Variants in NCR1 observed in about 807,000 individuals in gnomAD.
NCR1 encodes the protein natural cytotoxicity triggering receptor 1.
A neutral mutation model predicts 32.5 loss-of-function variants in NCR1; 30 were observed. That is an observed-to-expected ratio of 0.92 (90% CI 0.69 to 1.25). The LOEUF (loss-of-function observed/expected upper bound fraction) is 1.25, where lower values mean the gene tolerates loss of function less well. Among genes scored for constraint, NCR1 ranks in the 50% most tolerant of loss-of-function variants. The pLI is 0.00. For missense variants in NCR1, 369 were observed against 380.7 expected (o/e 0.97, Z 0.26); for synonymous variants, 169 against 143.4 (o/e 1.18, Z -1.28).
the NCR1 span, chr19:54,924,015 T>C: frequency 4.7e-6 from 4 of 843,768 alleles, no homozygotes; most frequent in Non-Finnish European, 7.6e-6. Flanking sequence ...TTGCCCAGGC[T>C]GGGGTACAGT....
At position 54,910,197 on chromosome 19, in the gene NCR1, G is replaced by A. The variant is rs143235301; in HGVS notation, c.682+132G>A. The A allele has an allele frequency of 4.6e-4, 397 of 862,522 alleles. 1 individual carries two copies. In the African/African-American group the frequency reaches 6.1e-3, roughly 13 times the overall value. 53.4% of individuals were successfully genotyped at this position (862,522 alleles called of 1,614,324 possible). ...CACGCCTGTAATCCCAGCACTTTGG[G>A]AGGCCGAGATGGTGCATCATTTGAG... On this transcript the variant is annotated intron_variant, in intron 5 of 6. Transcript: ENST00000291890.
the NCR1 span, among the ~76,000 whole-genome samples, chr19:54,922,778 CAAAAAAAAAAACAAA>C: frequency 2.5e-5 from 1 of 39,444 alleles, no homozygotes; most frequent in Admixed American, 3.5e-4. Flanking sequence ...AACTCCGTCT[CAAAAAAAAAAACAAA>C]AAAAAAAAAC....
Position 54,906,565 on chromosome 19 carries a change from T to C in NCR1, c.113T>C (p.Met38Thr), listed in dbSNP as rs760909649. ...TTCATCTGGGCCGAGCCCCATTTCATGGTTCCAAAGGAAAAGCAAGTGACC... is the reference window on the plus strand; with the variant it reads ...TTCATCTGGGCCGAGCCCCATTTCACGGTTCCAAAGGAAAAGCAAGTGACC... ...KPFIWAEPHF[M>T]VPKEKQVTIC... Residue 38 changes from methionine (M) to threonine (T), a missense_variant, in exon 3 of 7, where the codon ATG becomes ACG. Coordinates refer to ENST00000291890, the MANE Select transcript of NCR1 (RefSeq NM_004829.7). 21 of 1,612,860 alleles carry C rather than the reference T, an allele frequency of 1.3e-5. No homozygotes were observed. Among genetic ancestry groups the C allele is most frequent in the Non-Finnish European group, 1.7e-5 (20 of 1,180,028 alleles).
chr19:54,911,061 G>A (rs764463373), intron 5 of NCR1, among the ~76,000 whole-genome samples: 12 of 152,036 alleles, frequency 7.9e-5, no homozygotes, highest in Admixed American at 1.3e-4. Flanking sequence ...GATTACAGGA[G>A]TGAGGCCCGG....
At chr19:54,914,743 CTTTTTT>C (rs58541136), downstream of NCR1, among the ~76,000 whole-genome samples, 5 of 143,392 alleles carry the variant, frequency 3.5e-5, no homozygotes, top group South Asian at 2.2e-4. Flanking sequence ...AAAGATAGCA[CTTTTTT>C]TTTTTTTTTT....
chr19:54,908,133 C>CGGCCT (rs923350476), intron 3 of NCR1, among the ~76,000 whole-genome samples: 2 of 152,062 alleles, frequency 1.3e-5, no homozygotes, highest in African/African-American at 4.8e-5. Context: ...GAGGTCCCTG[C>CGGCCT]GGCCTTCCGC....
At chr19:54,933,282 A>G in the NCR1 span, among the ~76,000 whole-genome samples, 2 of 152,036 alleles carry the variant, frequency 1.3e-5, no homozygotes, top group African/African-American at 4.8e-5. Context: ...AGTAGCTGGG[A>G]CTACAGGCAT....
Position 54,912,779 on chromosome 19 carries a change from G to A in NCR1, c.823G>A (p.Glu275Lys). The change falls in exon 7 of 7, where the codon GAA becomes AAA. Residue 275 changes from glutamate to lysine, a missense_variant. Glu to Lys is a moderately conservative substitution (Grantham distance 56). Transcript: ENST00000291890. ...GGTGGCTCTAGTGTGGTTCCTGGTT[G>A]AAGACTGGCTCAGCAGGAAGAGGAC... is the stretch of plus-strand genomic sequence containing the variant. Reference protein sequence around the residue: ...VLVALVWFLVEDWLSRKRTRE... With the variant: ...VLVALVWFLVKDWLSRKRTRE... 1.2e-6 allele frequency: 2 copies of A among 1,614,110 alleles called. No homozygotes were observed. The highest frequency in any genetic ancestry group is 1.7e-6 in the Non-Finnish European group (2 of 1,180,028).
chr19:54,905,852 C>T (rs2067569028), upstream of NCR1, among the ~76,000 whole-genome samples: 1 of 152,080 alleles, frequency 6.6e-6, no homozygotes, highest in Non-Finnish European at 1.5e-5. Flanking sequence ...AGGGGGTTTC[C>T]TCTGGGCATG....
chr19:54,929,778 A>G, the NCR1 span, among the ~76,000 whole-genome samples: 1 of 152,096 alleles, frequency 6.6e-6, no homozygotes, highest in Non-Finnish European at 1.5e-5. Context: ...GAGGGGTTTG[A>G]TCTTAAAACT....
the NCR1 span, among the ~76,000 whole-genome samples, chr19:54,931,420 T>C: frequency 2.0e-5 from 3 of 152,038 alleles, no homozygotes; most frequent in Admixed American, 6.6e-5. Context: ...CTGGGCACGA[T>C]GGCTCACACC....
chr19:54,937,493 AC>A, the NCR1 span, among the ~76,000 whole-genome samples: 1 of 151,902 alleles, frequency 6.6e-6, no homozygotes, highest in Admixed American at 6.6e-5. Flanking sequence ...GGAGTTCGAG[AC>A]AAGCCTGGCC....
In NCR1 at chr19:54,909,109, G is replaced by A. The variant is rs1426558104; in HGVS notation, c.356-136G>A. On this transcript the variant is annotated intron_variant, in intron 3 of 6. Coordinates refer to ENST00000291890, the MANE Select transcript of NCR1 (RefSeq NM_004829.7). Reference sequence around the variant, plus strand: ...CGCTTGAACCCGGGAGGCGGAGGTTGCAGTGAGCCAAGATCGTGTCACTGC... The same window carrying A: ...CGCTTGAACCCGGGAGGCGGAGGTTACAGTGAGCCAAGATCGTGTCACTGC... 3 of 777,130 alleles carry A rather than the reference G, an allele frequency of 3.9e-6. No individual in the cohort carries two copies. In the African/African-American group the frequency reaches 5.3e-5, roughly 14 times the overall value. 48.1% of individuals were successfully genotyped at this position (777,130 alleles called of 1,614,324 possible).
chr19:54,906,422 G>A (rs1057313470), intron 2 of NCR1, 88 bp downstream of exon 2: 215 of 1,601,480 alleles, frequency 1.3e-4, no homozygotes, highest in Non-Finnish European at 1.3e-4. Flanking sequence ...GAGGGGACAG[G>A]GTGCTGGCTT....
chr19:54,931,014 C>A, the NCR1 span, among the ~76,000 whole-genome samples: 1 of 152,014 alleles, frequency 6.6e-6, no homozygotes, highest in Non-Finnish European at 1.5e-5. Context: ...CAGAGCGAGA[C>A]TCCGTCTCAA....
the NCR1 span, chr19:54,936,244 G>T: frequency 0.22 from 357,753 of 1,608,260 alleles, 40,516 homozygotes; most frequent in South Asian, 0.26. Flanking sequence ...GGGGAGAGCC[G>T]TGACCGTGAG....
intron 3 of NCR1, among the ~76,000 whole-genome samples, chr19:54,908,562 G>A (rs182684088): frequency 7.7e-4 from 117 of 152,120 alleles, no homozygotes; most frequent in African/African-American, 2.7e-3. Flanking sequence ...AGACGGGGCG[G>A]CCGGGCAGAG....
At chr19:54,914,826 G>A (rs978101230), downstream of NCR1, among the ~76,000 whole-genome samples, 7 of 149,632 alleles carry the variant, frequency 4.7e-5, no homozygotes, top group Non-Finnish European at 7.4e-5. Context: ...TGCAACCTTC[G>A]CCTCTGGGGC....
chr19:54,903,579 C>T (rs753427618), upstream of NCR1, among the ~76,000 whole-genome samples: 18 of 144,518 alleles, frequency 1.2e-4, no homozygotes, highest in African/African-American at 2.6e-4. Flanking sequence ...TGTATATATA[C>T]GCATATACAT....
Sources: allele counts gnomAD v4.1 joint callset (sites outside exome capture counted in the v4.1 genomes callset), GRCh38; gene constraint gnomAD v4.1.1; transcripts MANE v1.5; gene names NCBI Gene and HGNC (gene_info 2026-07-23, HGNC 2026-07-21).